The following IL1RAPL1 variants were observed in gnomAD, a reference collection of about 807,000 sequenced individuals.
IL1RAPL1 encodes interleukin 1 receptor accessory protein like 1, also known as interleukin-1 receptor accessory protein-like 1.
Under a neutral mutation model 48.4 loss-of-function variants are expected in IL1RAPL1, and 3 were observed. The ratio of observed to expected loss-of-function variants is 0.06; its 90% CI spans 0.03 to 0.16. The LOEUF (loss-of-function observed/expected upper bound fraction) is 0.16, where lower values mean the gene tolerates loss of function less well. IL1RAPL1 is among the 10% of genes least tolerant of loss of function. IL1RAPL1 has a pLI of 1.00. For synonymous variants in IL1RAPL1, 185 were observed against 187.7 expected (o/e 0.99, Z 0.12); for missense variants, 349 against 530.6 (o/e 0.66, Z 3.36).
chrX:28,909,339 T>C (rs1423388186), intron 2 of IL1RAPL1, among the ~76,000 whole-genome samples: 1 of 111,724 alleles, frequency 9.0e-6, no homozygotes, highest in Non-Finnish European at 1.9e-5. Flanking sequence ...TGCAGGTCTC[T>C]CTGAAAGTGT....
intron 5 of IL1RAPL1, among the ~76,000 whole-genome samples, chrX:29,402,227 C>G (rs1934003423): frequency 9.0e-6 from 1 of 111,577 alleles, no homozygotes; most frequent in South Asian, 3.7e-4. Context: ...CTCCAAATGT[C>G]CTCCCTCTGA....
intron 1 of IL1RAPL1, among the ~76,000 whole-genome samples, chrX:28,754,288 G>A (rs1425121967): frequency 1.8e-5 from 2 of 111,364 alleles, no homozygotes; most frequent in Non-Finnish European, 3.8e-5. Context: ...TTTACAGATG[G>A]AAACATTCAT....
intron 2 of IL1RAPL1, among the ~76,000 whole-genome samples, chrX:29,202,611 A>G (rs747563191): frequency 8.9e-6 from 1 of 111,955 alleles, no homozygotes; most frequent in South Asian, 3.8e-4. Flanking sequence ...ATCAACCTAC[A>G]TGCCCATCAA....
intron 2 of IL1RAPL1, among the ~76,000 whole-genome samples, chrX:29,101,010 C>G (rs376083396): frequency 9.0e-6 from 1 of 111,514 alleles, no homozygotes; most frequent in South Asian, 3.7e-4. Context: ...CATGGGCAAC[C>G]TATCAGTAAC....
At chrX:28,617,156 A>G (rs904355972) in intron 1 of IL1RAPL1, among the ~76,000 whole-genome samples, 2 of 111,972 alleles carry the variant, frequency 1.8e-5, no homozygotes, top group Non-Finnish European at 3.8e-5. Context: ...GAATAGGAGC[A>G]AAAAGAAAAA....
At chrX:29,293,532 G>T (rs1417760998) in intron 3 of IL1RAPL1, among the ~76,000 whole-genome samples, 1 of 111,159 alleles carries the variant, frequency 9.0e-6, no homozygotes, top group Non-Finnish European at 1.9e-5. Flanking sequence ...AAAATAATTA[G>T]GTGCATAAAG....
rs751066810 is a variant in IL1RAPL1 at position 28,747,636 on chromosome X, G to A, written c.-24-41684G>A. ...GGCCTGGGCGACAGAGTGAGACTCC[G>A]TCTCGAAACAAAATTAAAAGTTCAG... is the stretch of plus-strand genomic sequence containing the variant. On this transcript the variant is annotated intron_variant, in intron 1 of 10. Coordinates refer to ENST00000378993, the MANE Select transcript of IL1RAPL1 (RefSeq NM_014271.4). Among the ~76,000 whole-genome samples the A allele has an allele frequency of 8.9e-5, 10 of 112,112 alleles. 1 individual carries two copies. The highest frequency in any genetic ancestry group is 5.6e-4 in the East Asian group (2 of 3,560).
chrX:28,867,608 A>T (rs1471257794), intron 2 of IL1RAPL1, among the ~76,000 whole-genome samples: 1 of 112,368 alleles, frequency 8.9e-6, no homozygotes, highest in African/African-American at 3.2e-5. Flanking sequence ...GACAAAACCT[A>T]AAAATATGAC....
rs1303713850 is a variant in IL1RAPL1, at chrX:28,961,646, A to G, written c.82+172221A>G. On this transcript the variant is annotated intron_variant, in intron 2 of 10. Coordinates refer to ENST00000378993, the MANE Select transcript of IL1RAPL1 (RefSeq NM_014271.4). ...TAGTTTGCTGAGGATGATGGTTTCC[A>G]GCTTCATCCATGTCCCTGCAAAGGA... Among the ~76,000 whole-genome samples the G allele has an allele frequency of 2.7e-5, 3 of 111,310 alleles. No homozygotes were observed. In the Admixed American group the frequency reaches 2.9e-4, roughly 11 times the overall value.
chrX:29,904,243 A>T (rs756370089), intron 6 of IL1RAPL1, among the ~76,000 whole-genome samples: 1 of 111,811 alleles, frequency 8.9e-6, no homozygotes, highest in South Asian at 3.8e-4. Context: ...GAATTGCCTT[A>T]TCAGAAATTG....
At chrX:29,646,350 CAAG>C (rs1036554951) in intron 5 of IL1RAPL1, among the ~76,000 whole-genome samples, 2 of 110,729 alleles carry the variant, frequency 1.8e-5, no homozygotes, top group African/African-American at 6.6e-5. Context: ...AAGTATTCAT[CAAG>C]AAGAAGAATC....
At chrX:29,089,821 A>G (rs1928049351) in intron 2 of IL1RAPL1, among the ~76,000 whole-genome samples, 1 of 78,525 alleles carries the variant, frequency 1.3e-5, no homozygotes, top group Non-Finnish European at 2.4e-5. Context: ...TATGAATGAC[A>G]CTTTTTTGCA....
chrX:29,843,534 A>AT lies in IL1RAPL1; in HGVS notation c.779-73923dup, dbSNP rs371515496. Among the ~76,000 whole-genome samples, 255 of 111,466 alleles carry AT rather than the reference A, an allele frequency of 2.3e-3. 1 individual carries two copies. The highest frequency in any genetic ancestry group is 7.5e-3 in the African/African-American group (229 of 30,661). ...AGACTTAGAGGCTTAAAACAACACAATTTTTTTATCTTATAGTTGTGGAAG... is the reference window on the plus strand; with the variant it reads ...AGACTTAGAGGCTTAAAACAACACAATTTTTTTTATCTTATAGTTGTGGAAG... On this transcript the variant is annotated intron_variant, in intron 6 of 10. Transcript: ENST00000378993.
chrX:28,953,483 T>A (rs1022579889), intron 2 of IL1RAPL1, among the ~76,000 whole-genome samples: 15 of 111,754 alleles, frequency 1.3e-4, no homozygotes, highest in Non-Finnish European at 2.8e-4. Context: ...TTTATGATTT[T>A]TACTGCATGC....
At chrX:29,449,872 G>T (rs1934658814) in intron 5 of IL1RAPL1, among the ~76,000 whole-genome samples, 2 of 106,195 alleles carry the variant, frequency 1.9e-5, no homozygotes, top group Admixed American at 2.0e-4. Flanking sequence ...TATTGAAAAT[G>T]AGAAAGTATT....
At chrX:29,483,375 G>A (rs1935060566) in intron 5 of IL1RAPL1, among the ~76,000 whole-genome samples, 1 of 111,581 alleles carries the variant, frequency 9.0e-6, no homozygotes, top group African/African-American at 3.3e-5. Flanking sequence ...TCTATCCTGG[G>A]AAGTATGGTA....
intron 6 of IL1RAPL1, among the ~76,000 whole-genome samples, chrX:29,894,216 A>C (rs1426328931): frequency 8.9e-6 from 1 of 112,413 alleles, no homozygotes; most frequent in Non-Finnish European, 1.9e-5. Flanking sequence ...GTGGTAAGCC[A>C]GTTAGTATTC....
At chrX:29,732,460 A>G (rs764242210) in intron 6 of IL1RAPL1, among the ~76,000 whole-genome samples, 2 of 111,259 alleles carry the variant, frequency 1.8e-5, no homozygotes, top group African/African-American at 3.3e-5. Flanking sequence ...TGTGATCTCC[A>G]TTTTCCTCGC....
At chrX:29,301,762 CT>C (rs1490603467) in intron 3 of IL1RAPL1, among the ~76,000 whole-genome samples, 1 of 111,037 alleles carries the variant, frequency 9.0e-6, no homozygotes, top group Non-Finnish European at 1.9e-5. Flanking sequence ...AAAAAATTAT[CT>C]GTATCACTGT....
Sources: allele counts gnomAD v4.1 joint callset (sites outside exome capture counted in the v4.1 genomes callset), GRCh38; gene constraint gnomAD v4.1.1; transcripts MANE v1.5; gene names NCBI Gene and HGNC (gene_info 2026-07-23, HGNC 2026-07-21).